The following SVIP variants were observed in gnomAD, a reference collection of about 807,000 sequenced individuals.
SVIP encodes small VCP/p97-interacting protein.
SVIP carries 14 observed loss-of-function variants against 12.9 expected under a neutral mutation model. The ratio of observed to expected loss-of-function variants is 1.08; its 90% CI spans 0.72 to 1.70. The LOEUF (loss-of-function observed/expected upper bound fraction) is 1.70. SVIP is among the 40% of genes most tolerant of loss of function. The pLI, the probability that SVIP is intolerant of heterozygous loss-of-function variation, is 0.00. For synonymous variants in SVIP, 35 were observed against 33.3 expected (o/e 1.05, Z -0.17); for missense variants, 93 against 90.8 (o/e 1.02, Z -0.10).
At chr11:22,823,957 C>A (rs1857575702) in intron 3 of SVIP, among the ~76,000 whole-genome samples, 1 of 152,124 alleles carries the variant, frequency 6.6e-6, no homozygotes, top group South Asian at 2.1e-4. Context: ...CTCCTGACCT[C>A]AAGTGATCAT....
At chr11:22,829,673 CG>C (rs777413766) in intron 1 of SVIP, 21 bp downstream of exon 1, 103 of 1,578,580 alleles carry the variant, frequency 6.5e-5, no homozygotes, top group Non-Finnish European at 8.6e-5. Context: ...GCCCGGCGGA[CG>C]CAGGGACCTG....
rs11543287 is a variant in SVIP at position 22,821,449 on chromosome 11, G to A, written c.*1670C>T. ...GGGTATGACCTGCTGGTAGAAATAG[G>A]GCATGATTCCCTGGAAGTAAGTCAC... On this transcript the variant is annotated 3_prime_UTR_variant, in exon 4 of 4. Coordinates refer to ENST00000354193, the MANE Select transcript of SVIP (RefSeq NM_148893.3). 47,143 of 151,836 alleles carry A rather than the reference G, an allele frequency of 0.31. 8,910 individuals carry two copies. Among genetic ancestry groups the A allele is most frequent in the Non-Finnish European group, 0.41 (27,954 of 67,914 alleles). The allele number at this position is 151,836 out of a possible 1,614,324, so 9.4% of individuals were successfully genotyped here.
At chr11:22,825,619 T>G (rs950931518) in intron 3 of SVIP, among the ~76,000 whole-genome samples, 4 of 152,218 alleles carry the variant, frequency 2.6e-5, no homozygotes, top group African/African-American at 9.6e-5. Flanking sequence ...TTTTACATTT[T>G]GAGCACTTTT....
At chr11:22,823,995 C>A (rs1857576287) in intron 3 of SVIP, among the ~76,000 whole-genome samples, 1 of 152,136 alleles carries the variant, frequency 6.6e-6, no homozygotes, top group Non-Finnish European at 1.5e-5. Context: ...CCAAAGCCTT[C>A]CTCTCACAGC....
At chr11:22,828,716 C>A (rs1403415073) in intron 1 of SVIP, among the ~76,000 whole-genome samples, 1 of 152,014 alleles carries the variant, frequency 6.6e-6, no homozygotes. Context: ...ACAACAAAAT[C>A]AACTTAATTT....
rs4923032 is a variant in SVIP, at chr11:22,825,553, T to A, written c.219+1654A>T. ...TTTTTACTAAGTGAGTTTGAGAGAT[T>A]TCTTACAAGAACAGTACACAAAGAA... On this transcript the variant is annotated intron_variant, in intron 3 of 3. Coordinates refer to ENST00000354193, the MANE Select transcript of SVIP (RefSeq NM_148893.3). Among the ~76,000 whole-genome samples the A allele has an allele frequency of 5.3e-3, 802 of 152,312 alleles. 12 individuals are homozygous for A. The highest frequency in any genetic ancestry group is 0.038 in the East Asian group (196 of 5,170).
Position 22,820,236 on chromosome 11 carries a change from A to C in SVIP, c.*2883T>G, listed in dbSNP as rs1857431706. ...GCAGAAATTATTCAAAACTGGCAAGAGCTGCTTTTGTCTTCTAAGAACATA... is the reference window on the plus strand; with the variant it reads ...GCAGAAATTATTCAAAACTGGCAAGCGCTGCTTTTGTCTTCTAAGAACATA... On this transcript the variant is annotated 3_prime_UTR_variant, in exon 4 of 4. Coordinates refer to ENST00000354193, the MANE Select transcript of SVIP (RefSeq NM_148893.3). The C allele has an allele frequency of 6.6e-6, 1 of 152,206 alleles. No homozygotes were observed. Among genetic ancestry groups the C allele is most frequent in the Non-Finnish European group, 1.5e-5 (1 of 68,024 alleles). The allele number at this position is 152,206 out of a possible 1,614,324, so 9.4% of individuals were successfully genotyped here.
rs371234163 is a variant in SVIP, at chr11:22,827,180, A to C, written c.219+27T>G. 44 of 1,539,256 alleles carry C rather than the reference A, an allele frequency of 2.9e-5. No homozygotes were observed. In the African/African-American group the frequency reaches 5.2e-4, roughly 18 times the overall value. On this transcript the variant is annotated intron_variant, in intron 3 of 3. Coordinates refer to ENST00000354193, the MANE Select transcript of SVIP (RefSeq NM_148893.3). ...GTTTTTTTAAAATGCCAGTTAAGTT[A>C]ATCACTAAGAAAATTTTAATACTTA...
In SVIP at chr11:22,823,029, C is replaced by CA; in HGVS notation, c.*89_*90insT. ...ATTACAAAGTCTGAATCTTCATTTA[C>CA]TCAAAGAGAAGAAATTAAATTGATG... On this transcript the variant is annotated 3_prime_UTR_variant, in exon 4 of 4. Transcript: ENST00000354193. 1 of 1,152,104 alleles carries CA rather than the reference C, an allele frequency of 8.7e-7. No homozygotes were observed. Among genetic ancestry groups the CA allele is most frequent in the Non-Finnish European group, 1.2e-6 (1 of 822,162 alleles). The allele number at this position is 1,152,104 out of a possible 1,614,324, so 71.4% of individuals were successfully genotyped here. A position where few individuals can be genotyped will look rare whatever the true frequency, so the allele number is the denominator to read the frequency against.
intron 3 of SVIP, 39 bp downstream of exon 3, chr11:22,827,168 G>T: frequency 6.8e-7 from 1 of 1,470,424 alleles, no homozygotes; most frequent in Middle Eastern, 1.8e-4. Flanking sequence ...TTTTTAAAAT[G>T]CCAGTTAAGT....
intron 3 of SVIP, 94 bp from the exon 4 acceptor site, chr11:22,823,227 G>T: frequency 1.2e-6 from 1 of 855,596 alleles, no homozygotes; most frequent in Non-Finnish European, 1.8e-6. Context: ...AGGAATATGG[G>T]ACATAGAAAT....
chr11:22,822,811 T>C lies in SVIP; in HGVS notation c.*308A>G, dbSNP rs141704059. 224 of 264,634 alleles carry C rather than the reference T, an allele frequency of 8.5e-4. 1 individual carries two copies. Among genetic ancestry groups the C allele is most frequent in the African/African-American group, 4.8e-3 (215 of 45,226 alleles). The allele number at this position is 264,634 out of a possible 1,614,324, so 16.4% of individuals were successfully genotyped here. On this transcript the variant is annotated 3_prime_UTR_variant, in exon 4 of 4. Transcript: ENST00000354193. ...ACTGCGAATTTTAATCTTAGAGGTA[T>C]ATGCAGAATGTTTACATGCAGTGTA... is the stretch of plus-strand genomic sequence containing the variant.
intron 1 of SVIP, 47 bp downstream of exon 1, chr11:22,829,648 G>A (rs562254775): frequency 1.7e-5 from 27 of 1,542,896 alleles, no homozygotes; most frequent in African/African-American, 2.8e-5. Context: ...CCCGAGGACA[G>A]GTGCTCAAGG....
At position 22,822,820 on chromosome 11, in the gene SVIP, T is replaced by C. The variant is rs954261402; in HGVS notation, c.*299A>G. The stretch of plus-strand genomic sequence containing the variant: ...TTTAATCTTAGAGGTATATGCAGAA[T>C]GTTTACATGCAGTGTATGTATATTC... On this transcript the variant is annotated 3_prime_UTR_variant, in exon 4 of 4. Coordinates refer to ENST00000354193, the MANE Select transcript of SVIP (RefSeq NM_148893.3). 26 of 283,384 alleles carry C rather than the reference T, an allele frequency of 9.2e-5. No homozygotes were observed. Among genetic ancestry groups the C allele is most frequent in the Non-Finnish European group, 1.5e-4 (23 of 151,748 alleles). The allele number at this position is 283,384 out of a possible 1,614,324, so 17.6% of individuals were successfully genotyped here.
intron 1 of SVIP, among the ~76,000 whole-genome samples, chr11:22,829,034 T>A (rs922686030): frequency 5.9e-5 from 9 of 152,176 alleles, no homozygotes; most frequent in Non-Finnish European, 1.3e-4. Context: ...TCCCTAATAT[T>A]GCATGGCACA....
intron 1 of SVIP, among the ~76,000 whole-genome samples, chr11:22,828,686 A>C (rs1011794537): frequency 6.6e-6 from 1 of 152,196 alleles, no homozygotes; most frequent in South Asian, 2.1e-4. Flanking sequence ...CTGACATGTT[A>C]TATTTTATCG....
intron 3 of SVIP, among the ~76,000 whole-genome samples, chr11:22,825,069 G>T (rs1407936553): frequency 6.6e-6 from 1 of 152,084 alleles, no homozygotes; most frequent in African/African-American, 2.4e-5. Context: ...GCACTGGTCA[G>T]GAGATGAATA....
intron 3 of SVIP, among the ~76,000 whole-genome samples, chr11:22,824,342 C>G (rs1403097366): frequency 6.6e-6 from 1 of 151,246 alleles, no homozygotes; most frequent in Non-Finnish European, 1.5e-5. Flanking sequence ...TCCTGAAGAG[C>G]CATTAGGATA....
intron 3 of SVIP, among the ~76,000 whole-genome samples, chr11:22,825,447 G>A (rs1427654815): frequency 2.0e-5 from 3 of 152,080 alleles, no homozygotes; most frequent in African/African-American, 7.2e-5. Flanking sequence ...TACTCACAGT[G>A]GACAACAGCA....
Sources: allele counts gnomAD v4.1 joint callset (sites outside exome capture counted in the v4.1 genomes callset), GRCh38; gene constraint gnomAD v4.1.1; transcripts MANE v1.5; gene names NCBI Gene and HGNC (gene_info 2026-07-23, HGNC 2026-07-21).